The following TMEM131L variants were observed in gnomAD, a reference collection of about 807,000 sequenced individuals.
TMEM131L encodes the protein transmembrane protein 131-like.
In TMEM131L, 54 loss-of-function variants were observed where a neutral mutation model predicts 192.2. The observed-to-expected ratio is 0.28, with a 90% CI of 0.23 to 0.35. The LOEUF (loss-of-function observed/expected upper bound fraction) is 0.35. Among genes scored for constraint, TMEM131L ranks in the 10% least tolerant of loss-of-function variants. The pLI is 1.00. For missense variants in TMEM131L, 1,888 were observed against 1,972.9 expected, an observed-to-expected ratio of 0.96 and a Z score of 0.82; for synonymous variants, 701 against 704.9, an observed-to-expected ratio of 0.99 and a Z score of 0.09.
rs767335870 is a variant in TMEM131L at position 153,558,341 on chromosome 4, C to T, written c.633C>T (p.Val211=). ...LPNAYFLLPK[V]QSIQLSQMQA... ...ATGCTTATTTTCTGCTTCCAAAGGT[C>T]CAGAGCATTCAGCTGTCTCAAATGC... The change falls in exon 7 of 35, where the codon GTC becomes GTT. Residue 211 remains valine, a synonymous_variant. Coordinates refer to ENST00000409959, the MANE Select transcript of TMEM131L (RefSeq NM_001131007.2). 1.9e-6 allele frequency: 3 copies of T among 1,607,110 alleles called. No homozygotes were observed. The highest frequency in any genetic ancestry group is 1.1e-5 in the South Asian group (1 of 90,400).
At chr4:153,602,507 T>G (rs750686042) in intron 22 of TMEM131L, 35 bp from the exon 23 acceptor site, 2 of 1,605,508 alleles carry the variant, frequency 1.2e-6, no homozygotes, top group East Asian at 4.5e-5. Flanking sequence ...ATCAAAACAA[T>G]TAAAAGTTCA....
chr4:153,579,791 G>A (rs1177090562), intron 7 of TMEM131L, among the ~76,000 whole-genome samples: 1 of 152,008 alleles, frequency 6.6e-6, no homozygotes, highest in Admixed American at 6.6e-5. Flanking sequence ...TTTTTTTTCT[G>A]TATTTTAATT....
rs148976101 is a variant in TMEM131L at position 153,565,488 on chromosome 4, G to A, written c.660+7120G>A. ...GGTGAAGGTTGAGAGTAGAGCCAGTGAATGATTATTAACTTTTTGTAATTT... is the reference window on the plus strand; with the variant it reads ...GGTGAAGGTTGAGAGTAGAGCCAGTAAATGATTATTAACTTTTTGTAATTT... On this transcript the variant is annotated intron_variant, in intron 7 of 34. Coordinates refer to ENST00000409959, the MANE Select transcript of TMEM131L (RefSeq NM_001131007.2). 7.7e-4 allele frequency among the ~76,000 whole-genome samples: 117 copies of A among 152,296 alleles called. No individual in the cohort carries two copies. The South Asian group carries it at 8.5e-3, about 11-fold the overall frequency.
intron 15 of TMEM131L, among the ~76,000 whole-genome samples, chr4:153,588,599 T>C (rs569321164): frequency 2.8e-4 from 43 of 152,130 alleles, no homozygotes; most frequent in African/African-American, 1.0e-3. Context: ...CTGTTAAAAA[T>C]GTTCCAAGTA....
In TMEM131L at chr4:153,593,859, T is replaced by A. The variant is rs913169088; in HGVS notation, c.1983T>A (p.Ala661=). The change falls in exon 19 of 35, where the codon GCT becomes GCA. Residue 661 remains alanine, a synonymous_variant. Transcript: ENST00000409959. ...CTGGTGAATTCCAGCTCACCGAAGC[T>A]TGCCCTTACCTGGTAGGATGTTATC... ...FTTGEFQLTE[A]CPYLGTHSEE... is the part of the protein sequence containing the mutation. 1.9e-6 allele frequency: 3 copies of A among 1,612,028 alleles called. No individual in the cohort carries two copies. Among genetic ancestry groups the A allele is most frequent in the Non-Finnish European group, 2.5e-6 (3 of 1,178,206 alleles).
At chr4:153,552,714 C>G (rs151276486) in intron 4 of TMEM131L, among the ~76,000 whole-genome samples, 52 of 151,950 alleles carry the variant, frequency 3.4e-4, no homozygotes, top group African/African-American at 1.2e-3. Flanking sequence ...CACACCTGTA[C>G]TTCCAGCTAC....
At chr4:153,501,922 C>A (rs1276523554) in intron 3 of TMEM131L, among the ~76,000 whole-genome samples, 1 of 149,250 alleles carries the variant, frequency 6.7e-6, no homozygotes, top group Non-Finnish European at 1.5e-5. Context: ...CAGGTCACTT[C>A]CTGGAAGTAT....
At chr4:153,587,642 A>G in intron 14 of TMEM131L, 100 bp from the exon 15 acceptor site, 1 of 861,284 alleles carries the variant, frequency 1.2e-6, no homozygotes, top group Non-Finnish European at 2.0e-6. Flanking sequence ...AGGGAAGTTC[A>G]CTGAGGTGCA....
chr4:153,598,696 A>G lies in TMEM131L; in HGVS notation c.2230A>G (p.Lys744Glu), dbSNP rs368148829. ...LPGAGGSLRF[K>E]VPESTLMDCR... ...TGGTGCAGGAGGCTCACTCCGATTT[A>G]AGGTGCCCGAGTCCACGCTGATGGA... Residue 744 changes from lysine (K) to glutamate (E), a missense_variant, in exon 21 of 35, where the codon AAG becomes GAG. Lys to Glu is a moderately conservative substitution (Grantham distance 56). Coordinates refer to ENST00000409959, the MANE Select transcript of TMEM131L (RefSeq NM_001131007.2). The G allele has an allele frequency of 3.1e-6, 5 of 1,613,896 alleles. No homozygotes were observed. The highest frequency in any genetic ancestry group is 2.2e-5 in the East Asian group (1 of 44,886).
chr4:153,569,036 A>G (rs1199577635), intron 7 of TMEM131L, among the ~76,000 whole-genome samples: 2 of 152,222 alleles, frequency 1.3e-5, no homozygotes, highest in Non-Finnish European at 1.5e-5. Context: ...AACTCCTCCA[A>G]GAGCCCCTGC....
At chr4:153,556,742 T>C (rs1234424093) in intron 5 of TMEM131L, among the ~76,000 whole-genome samples, 2 of 152,216 alleles carry the variant, frequency 1.3e-5, no homozygotes, top group African/African-American at 4.8e-5. Context: ...AGCTCCAGTC[T>C]GAAGCGAAAG....
At chr4:153,589,806 C>A (rs1165857662) in intron 16 of TMEM131L, among the ~76,000 whole-genome samples, 1 of 152,130 alleles carries the variant, frequency 6.6e-6, no homozygotes, top group Non-Finnish European at 1.5e-5. Context: ...ATTTTGTTCA[C>A]CAGATGTTCA....
At position 153,577,900 on chromosome 4, in the gene TMEM131L, G is replaced by A. The variant is rs369268375; in HGVS notation, c.661-2926G>A. Among the ~76,000 whole-genome samples the A allele has an allele frequency of 1.5e-4, 23 of 152,180 alleles. No homozygotes were observed. The East Asian group carries it at 3.1e-3, about 20-fold the overall frequency. On this transcript the variant is annotated intron_variant, in intron 7 of 34. Transcript: ENST00000409959. ...TCAGGTGGATGCCCAGTCACTGGTT[G>A]GACATATAGGTATGGAGAGGACTAA...
intron 4 of TMEM131L, among the ~76,000 whole-genome samples, chr4:153,551,791 T>C (rs571487427): frequency 6.6e-6 from 1 of 152,352 alleles, no homozygotes; most frequent in East Asian, 1.9e-4. Flanking sequence ...ATTTTTACTC[T>C]TATGTAAAGA....
chr4:153,520,348 G>A (rs1341849094), intron 3 of TMEM131L, among the ~76,000 whole-genome samples: 3 of 152,068 alleles, frequency 2.0e-5, no homozygotes, highest in Non-Finnish European at 4.4e-5. Context: ...GCACTCGTCC[G>A]TGGTTCCAGC....
intron 23 of TMEM131L, 117 bp from the exon 24 acceptor site, chr4:153,603,186 A>T: frequency 2.4e-6 from 2 of 840,650 alleles, no homozygotes; most frequent in Non-Finnish European, 3.5e-6. Flanking sequence ...AGGGAATTTT[A>T]ATACTGCATC....
chr4:153,487,211 A>T (rs747321833), intron 3 of TMEM131L, among the ~76,000 whole-genome samples: 7 of 152,208 alleles, frequency 4.6e-5, no homozygotes, highest in Non-Finnish European at 7.3e-5. Flanking sequence ...GGATTAAATA[A>T]TGAGAGGTAG....
chr4:153,550,702 A>G (rs1737555285), intron 4 of TMEM131L, among the ~76,000 whole-genome samples: 1 of 146,928 alleles, frequency 6.8e-6, no homozygotes, highest in Non-Finnish European at 1.5e-5. Flanking sequence ...TGTTTTTCCA[A>G]AACAAATCCG....
intron 3 of TMEM131L, among the ~76,000 whole-genome samples, chr4:153,510,744 C>T (rs371230467): frequency 5.9e-5 from 9 of 152,014 alleles, no homozygotes; most frequent in South Asian, 2.1e-4. Flanking sequence ...TAGCTGGACG[C>T]GGTGGCACGT....
Sources: allele counts gnomAD v4.1 joint callset (sites outside exome capture counted in the v4.1 genomes callset), GRCh38; gene constraint gnomAD v4.1.1; transcripts MANE v1.5; gene names NCBI Gene and HGNC (gene_info 2026-07-23, HGNC 2026-07-21).